The following FAM193A variants were observed in gnomAD, a reference collection of about 807,000 sequenced individuals.
The protein encoded by FAM193A is family with sequence similarity 193 member A, also known as protein FAM193A.
Under a neutral mutation model 126.5 loss-of-function variants are expected in FAM193A, and 22 were observed. The observed-to-expected ratio is 0.17, with a 90% confidence interval of 0.12 to 0.25. FAM193A has a LOEUF of 0.25. Among genes scored for constraint, FAM193A ranks in the 10% least tolerant of loss-of-function variants. The probability of loss-of-function intolerance (pLI) is 1.00; values close to 1 mark genes in which losing one functional copy is unlikely to be tolerated. For missense variants in FAM193A, 1,675 were observed against 1,672.8 expected (o/e 1.00, Z -0.02); for synonymous variants, 761 against 646.8 (o/e 1.18, Z -2.68).
At chr4:2,635,636 G>C (rs572560381) in intron 5 of FAM193A, among the ~76,000 whole-genome samples, 1 of 152,232 alleles carries the variant, frequency 6.6e-6, no homozygotes, top group East Asian at 1.9e-4. Flanking sequence ...CAGTTCAAGC[G>C]ATTCTCCTGC....
upstream of FAM193A, among the ~76,000 whole-genome samples, chr4:2,536,283 G>C (rs1057380468): frequency 2.6e-5 from 4 of 151,596 alleles, no homozygotes; most frequent in Non-Finnish European, 5.9e-5. Context: ...CCCTACGCCC[G>C]ACCACAACGC....
intron 1 of FAM193A, among the ~76,000 whole-genome samples, chr4:2,559,726 C>T (rs1002670981): frequency 2.6e-5 from 4 of 152,190 alleles, no homozygotes; most frequent in East Asian, 1.9e-4. Context: ...AGCACCAGGA[C>T]GTCTTGAGCT....
chr4:2,696,609 C>T lies in FAM193A; in HGVS notation c.3507+16C>T. On this transcript the variant is annotated intron_variant, in intron 18 of 20. Transcript: ENST00000637812. ...GCAAAGGAAGGCAAGTGACAGTTCT[C>T]AGCACCTGGAGGCGCCAGGTCTGAG... is the stretch of plus-strand genomic sequence containing the variant. 6.2e-7 allele frequency: 1 copy of T among 1,604,406 alleles called. No homozygotes were observed. Among genetic ancestry groups the T allele is most frequent in the Non-Finnish European group, 8.5e-7 (1 of 1,171,524 alleles).
At chr4:2,584,588 A>G (rs1228904291) in intron 1 of FAM193A, among the ~76,000 whole-genome samples, 1 of 152,186 alleles carries the variant, frequency 6.6e-6, no homozygotes, top group Non-Finnish European at 1.5e-5. Context: ...AAAGCCTGCT[A>G]AAGGCTACTA....
At chr4:2,727,181 C>T (rs892647107) in intron 20 of FAM193A, among the ~76,000 whole-genome samples, 1 of 152,066 alleles carries the variant, frequency 6.6e-6, no homozygotes, top group African/African-American at 2.4e-5. Context: ...ATCGCTTGAA[C>T]CCCGGAGGCG....
intron 6 of FAM193A, among the ~76,000 whole-genome samples, chr4:2,643,712 G>C (rs888249053): frequency 1.3e-5 from 2 of 152,168 alleles, no homozygotes; most frequent in African/African-American, 4.8e-5. Context: ...TCTGGATCCT[G>C]CGTGGGCGTG....
chr4:2,612,650 T>A (rs904292553), intron 2 of FAM193A, among the ~76,000 whole-genome samples: 1 of 152,234 alleles, frequency 6.6e-6, no homozygotes, highest in Admixed American at 6.5e-5. Flanking sequence ...CATACTGATA[T>A]CCAGTTGTTC....
At chr4:2,574,672 C>A (rs1739485571) in intron 1 of FAM193A, among the ~76,000 whole-genome samples, 1 of 152,080 alleles carries the variant, frequency 6.6e-6, no homozygotes, top group Non-Finnish European at 1.5e-5. Context: ...TCTGTAGTAT[C>A]CACGTTTATG....
chr4:2,541,638 G>A (rs936383890), intron 1 of FAM193A, among the ~76,000 whole-genome samples: 4 of 151,638 alleles, frequency 2.6e-5, no homozygotes, highest in Non-Finnish European at 5.9e-5. Flanking sequence ...TAGAGACAGG[G>A]TTTCACCATG....
At chr4:2,664,782 C>G (rs1406282268) in intron 12 of FAM193A, among the ~76,000 whole-genome samples, 1 of 151,988 alleles carries the variant, frequency 6.6e-6, no homozygotes, top group Non-Finnish European at 1.5e-5. Flanking sequence ...CCAGGCTGGT[C>G]TCGAACTCCT....
chr4:2,728,696 A>T (rs1235008159), intron 20 of FAM193A, among the ~76,000 whole-genome samples: 3 of 152,088 alleles, frequency 2.0e-5, no homozygotes, highest in Admixed American at 2.0e-4. Flanking sequence ...TTGTGCAGGT[A>T]TGCCCTTGAA....
intron 16 of FAM193A, among the ~76,000 whole-genome samples, chr4:2,694,475 G>A (rs552791029): frequency 5.3e-5 from 8 of 152,076 alleles, no homozygotes; most frequent in Admixed American, 3.9e-4. Flanking sequence ...CACCATGTTG[G>A]CCAGGCTGAT....
At chr4:2,702,387 T>TTC in intron 19 of FAM193A, among the ~76,000 whole-genome samples, 1 of 152,314 alleles carries the variant, frequency 6.6e-6, no homozygotes, top group South Asian at 2.1e-4. Flanking sequence ...ATCTCGTGTC[T>TTC]TCTCTCTCCC....
At chr4:2,681,797 T>G (rs183655667) in intron 13 of FAM193A, among the ~76,000 whole-genome samples, 1 of 152,152 alleles carries the variant, frequency 6.6e-6, no homozygotes, top group Admixed American at 6.5e-5. Context: ...TTTCTTGTTT[T>G]TTGATGTGTT....
At chr4:2,721,492 A>C (rs1328985504) in intron 20 of FAM193A, among the ~76,000 whole-genome samples, 4 of 152,094 alleles carry the variant, frequency 2.6e-5, no homozygotes, top group African/African-American at 9.7e-5. Flanking sequence ...TCTCCAAAAA[A>C]ATTAAAACAA....
At chr4:2,665,354 G>A (rs1712990975) in intron 12 of FAM193A, among the ~76,000 whole-genome samples, 1 of 152,090 alleles carries the variant, frequency 6.6e-6, no homozygotes, top group South Asian at 2.1e-4. Context: ...GTTGGTTCTA[G>A]TAGGTCCTTT....
intron 15 of FAM193A, among the ~76,000 whole-genome samples, chr4:2,691,715 G>A (rs1716400354): frequency 6.6e-6 from 1 of 151,702 alleles, no homozygotes; most frequent in Admixed American, 6.6e-5. Context: ...TGAGAGGGGA[G>A]GGTTGCTTAA....
chr4:2,722,849 GAC>G (rs1366417630), intron 20 of FAM193A, among the ~76,000 whole-genome samples: 1 of 152,202 alleles, frequency 6.6e-6, no homozygotes, highest in Non-Finnish European at 1.5e-5. Context: ...GTAAGTAAGA[GAC>G]AGGGTTTTGC....
chr4:2,661,028 T>A (rs188943623), intron 10 of FAM193A, among the ~76,000 whole-genome samples: 1 of 151,850 alleles, frequency 6.6e-6, no homozygotes, highest in East Asian at 1.9e-4. Flanking sequence ...ATTAAACATA[T>A]ATAGCCTAAT....
Sources: allele counts gnomAD v4.1 joint callset (sites outside exome capture counted in the v4.1 genomes callset), GRCh38; gene constraint gnomAD v4.1.1; transcripts MANE v1.5; gene names NCBI Gene and HGNC (gene_info 2026-07-23, HGNC 2026-07-21).